PRDM6: variants seen among roughly 807,000 people sequenced by gnomAD.
PRDM6 encodes PR/SET domain 6.
A neutral mutation model predicts 60.8 loss-of-function variants in PRDM6; 25 were observed. That is an observed-to-expected ratio of 0.41 (90% confidence interval 0.30 to 0.57). The LOEUF is 0.57. PRDM6 is among the 20% of genes least tolerant of loss of function. PRDM6 has a pLI of 0.27. For missense variants in PRDM6, 839 were observed against 821.3 expected (o/e 1.02, Z -0.26); for synonymous variants, 407 against 357.4 (o/e 1.14, Z -1.57).
intron 3 of PRDM6, among the ~76,000 whole-genome samples, chr5:123,131,153 T>C (rs1393118908): frequency 7.4e-6 from 1 of 134,814 alleles, no homozygotes; most frequent in Non-Finnish European, 1.7e-5. Flanking sequence ...AAGCAGTGAA[T>C]AAGATGGTGG....
rs1456276248 is a variant in PRDM6, at chr5:123,187,994, T to C, written c.*793T>C. The C allele has an allele frequency of 6.7e-6, 1 of 150,200 alleles. No homozygotes were observed. The highest frequency in any genetic ancestry group is 2.5e-5 in the African/African-American group (1 of 40,426). The allele number at this position is 150,200 out of a possible 1,614,324, so 9.3% of individuals were successfully genotyped here. ...TGAGAAACATTTGTTTTCAATAACA[T>C]TTTAGCTTAAAAAAAAAAAAAGAAA... On this transcript the variant is annotated 3_prime_UTR_variant, in exon 8 of 8. Transcript: ENST00000407847.
intron 2 of PRDM6, among the ~76,000 whole-genome samples, chr5:123,095,598 T>G (rs1243603164): frequency 2.0e-5 from 3 of 152,204 alleles, no homozygotes; most frequent in African/African-American, 4.8e-5. Context: ...CCCTCGGGTC[T>G]CGGCCTGCGA....
At chr5:123,105,663 A>T (rs1424855323) in intron 3 of PRDM6, among the ~76,000 whole-genome samples, 5 of 152,246 alleles carry the variant, frequency 3.3e-5, no homozygotes, top group Admixed American at 3.3e-4. Context: ...TATATGTAGA[A>T]CAACTATGAG....
At chr5:123,094,113 AG>A (rs1763905752) in intron 2 of PRDM6, among the ~76,000 whole-genome samples, 1 of 151,656 alleles carries the variant, frequency 6.6e-6, no homozygotes, top group African/African-American at 2.4e-5. Context: ...GTTTAGGGAG[AG>A]GGGCTGGGGA....
At chr5:123,139,764 G>A (rs1390334177) in intron 3 of PRDM6, among the ~76,000 whole-genome samples, 1 of 152,014 alleles carries the variant, frequency 6.6e-6, no homozygotes, top group Non-Finnish European at 1.5e-5. Context: ...GGGACCTTGG[G>A]TTTATTACAG....
At chr5:123,130,564 G>GTTT (rs369046537) in intron 3 of PRDM6, among the ~76,000 whole-genome samples, 1 of 144,928 alleles carries the variant, frequency 6.9e-6, no homozygotes, top group Non-Finnish European at 1.5e-5. Context: ...CATTTATTTA[G>GTTT]TTTTTTTTTT....
At position 123,099,549 on chromosome 5, in the gene PRDM6, A is replaced by G. The variant is rs550834651; in HGVS notation, c.593-105A>G. 3 of 1,081,338 alleles carry G rather than the reference A, an allele frequency of 2.8e-6. No individual in the cohort carries two copies. Among genetic ancestry groups the G allele is most frequent in the Non-Finnish European group, 3.8e-6 (3 of 790,012 alleles). 67.0% of individuals were successfully genotyped at this position (1,081,338 alleles called of 1,614,324 possible). A position where few individuals can be genotyped will look rare whatever the true frequency, so the allele number is the denominator to read the frequency against. ...CACCTTCCTCGAAGGTGGCTTACCCAGGCGGGCGGTGATGCTGTTGTCTCG... is the reference window on the plus strand; with the variant it reads ...CACCTTCCTCGAAGGTGGCTTACCCGGGCGGGCGGTGATGCTGTTGTCTCG... On this transcript the variant is annotated intron_variant, in intron 2 of 7. Transcript: ENST00000407847. This position sits in a 1 kb window ranked among gnomAD's most constrained non-coding sequence, Gnocchi z 4.0.
intron 3 of PRDM6, among the ~76,000 whole-genome samples, chr5:123,125,675 A>G (rs892296565): frequency 6.6e-6 from 1 of 152,248 alleles, no homozygotes; most frequent in Non-Finnish European, 1.5e-5. Context: ...CCTTGTATTC[A>G]GAATGGAACA....
chr5:123,137,900 G>A (rs149014466), intron 3 of PRDM6, among the ~76,000 whole-genome samples: 3 of 152,198 alleles, frequency 2.0e-5, no homozygotes, highest in Admixed American at 6.5e-5. Context: ...GGCTAAGTAC[G>A]AGGAACAAAC....
At chr5:123,110,447 T>TG (rs1026022946) in intron 3 of PRDM6, among the ~76,000 whole-genome samples, 7 of 151,646 alleles carry the variant, frequency 4.6e-5, no homozygotes, top group Admixed American at 2.6e-4. Context: ...TTAGTAGAGA[T>TG]GGGGTTTCAC....
intron 5 of PRDM6, among the ~76,000 whole-genome samples, chr5:123,167,580 G>C (rs553825968): frequency 1.3e-5 from 2 of 151,996 alleles, no homozygotes; most frequent in East Asian, 3.9e-4. Context: ...GTAGAGACAG[G>C]GTTTCTCCAT....
intron 5 of PRDM6, among the ~76,000 whole-genome samples, chr5:123,163,818 G>T (rs188343987): frequency 3.9e-5 from 6 of 152,302 alleles, no homozygotes; most frequent in African/African-American, 1.2e-4. Context: ...TTCTGTCTCA[G>T]CATATGAAGC....
rs1356247831 is a variant in PRDM6, at chr5:123,189,903, G to T, written c.*2702G>T. 1 of 152,194 alleles carries T rather than the reference G, an allele frequency of 6.6e-6. No individual in the cohort carries two copies. Among genetic ancestry groups the T allele is most frequent in the Non-Finnish European group, 1.5e-5 (1 of 68,048 alleles). 9.4% of individuals were successfully genotyped at this position (152,194 alleles called of 1,614,324 possible). The stretch of plus-strand genomic sequence containing the variant: ...TTTAATCTAAGTGTATGCTGGGGAG[G>T]AGGTTTCTCTTTGAAACTTCCTAAC... On this transcript the variant is annotated 3_prime_UTR_variant, in exon 8 of 8. Transcript: ENST00000407847.
chr5:123,113,222 G>C (rs1007685926), intron 3 of PRDM6, among the ~76,000 whole-genome samples: 1 of 152,076 alleles, frequency 6.6e-6, no homozygotes, highest in East Asian at 1.9e-4. Flanking sequence ...GGTTCACCCT[G>C]GTGTTGTACA....
At position 123,090,131 on chromosome 5, in the gene PRDM6, C is replaced by T. The variant is rs777036493; in HGVS notation, c.117C>T (p.Gly39=). Residue 39 remains glycine (G), a synonymous_variant, in exon 2 of 8, where the codon GGC becomes GGT. Transcript: ENST00000407847. The part of the protein sequence containing the change: ...HGGAGPLKGS[G]AAGLLSAPQP... ...GCGCAGGCCCGCTCAAGGGCAGCGG[C>T]GCCGCGGGTCTCCTGAGCGCGCCGC... 1 of 1,537,744 alleles carries T rather than the reference C, an allele frequency of 6.5e-7. No homozygotes were observed.
intron 3 of PRDM6, among the ~76,000 whole-genome samples, chr5:123,140,209 C>G (rs1440833772): frequency 1.3e-5 from 2 of 151,372 alleles, no homozygotes; most frequent in African/African-American, 4.9e-5. Flanking sequence ...TGCGCTTGGC[C>G]AAATCAGCTT....
chr5:123,150,271 A>AACTCACATGCATTGAAACTGAC (rs1252842512), intron 3 of PRDM6, among the ~76,000 whole-genome samples: 1 of 152,158 alleles, frequency 6.6e-6, no homozygotes, highest in Admixed American at 6.5e-5. Context: ...TCACAATTGT[A>AACTCACATGCATTGAAACTGAC]ACTCACATGC....
In PRDM6 at chr5:123,099,732, G is replaced by A; in HGVS notation, c.671G>A (p.Gly224Asp). The A allele has an allele frequency of 6.5e-7, 1 of 1,540,052 alleles. No homozygotes were observed. Among genetic ancestry groups the A allele is most frequent in the Non-Finnish European group, 8.8e-7 (1 of 1,142,792 alleles). ...GPLHSLRRLV[G>D]TSSAAAAAPP... is the part of the protein sequence containing the mutation. ...CTGCACTCGCTGCGCCGGCTTGTGG[G>A]CACCAGCAGCGCTGCGGCCGCCGCG... Residue 224 changes from glycine to aspartate, a missense_variant, in exon 3 of 8, where the codon GGC (glycine) becomes GAC (aspartate). Around this residue, in one of 2 missense-constraint regions of PRDM6, gnomAD observed 730 missense variants for 648.8 expected, o/e 1.13. Coordinates refer to ENST00000407847, the MANE Select transcript of PRDM6 (RefSeq NM_001136239.4). The surrounding 1 kb of genome is among the most constrained non-coding windows in gnomAD (Gnocchi z 4.0).
intron 3 of PRDM6, among the ~76,000 whole-genome samples, chr5:123,129,108 G>C (rs978772051): frequency 3.3e-5 from 5 of 152,168 alleles, no homozygotes; most frequent in African/African-American, 1.2e-4. Flanking sequence ...GCTCTGTTCT[G>C]TTCCATTGGT....
Sources: gnomAD v4.1 joint callset for allele counts (sites outside exome capture counted in the v4.1 genomes callset) on GRCh38, gnomAD v4.1.1 for gene constraint, gnomAD v4.1.1 regional missense constraint, Gnocchi (gnomAD v3.1) non-coding constraint, MANE v1.5 for transcripts, NCBI Gene and HGNC (gene_info 2026-07-23, HGNC 2026-07-21) for gene names.